The following ZNF219 variants were observed in gnomAD, a reference collection of about 807,000 sequenced individuals.
ZNF219 encodes zinc finger protein 219.
Under a neutral mutation model 54.4 loss-of-function variants are expected in ZNF219, and 17 were observed. That is an observed-to-expected ratio of 0.31 (90% CI 0.21 to 0.47). ZNF219 has a LOEUF of 0.47. ZNF219 is among the 20% of genes least tolerant of loss of function. The pLI, the probability that ZNF219 is intolerant of heterozygous loss-of-function variation, is 1.00. For missense variants in ZNF219, 1,014 were observed against 1,062.3 expected (o/e 0.95, Z 0.63); for synonymous variants, 518 against 476.4 (o/e 1.09, Z -1.14).
In ZNF219 at chr14:21,092,034, G is replaced by C; in HGVS notation, c.1263C>G (p.His421Gln). 6.5e-7 allele frequency: 1 copy of C among 1,548,856 alleles called. No individual in the cohort carries two copies. The highest frequency in any genetic ancestry group is 2.5e-5 in the East Asian group (1 of 40,716). The change falls in exon 3 of 5, where the codon CAC (histidine) becomes CAG (glutamine). Residue 421 changes from histidine (H) to glutamine (Q), a missense_variant. Physicochemically the swap from His to Gln is conservative, Grantham distance 24. Transcript: ENST00000360947. Reference sequence around the variant, plus strand: ...CTTCTTCCTCAGGCTCCTCCGCACGGTGCCGGCGAGCCCGGGCCGGGAGAG... The same window carrying C: ...CTTCTTCCTCAGGCTCCTCCGCACGCTGCCGGCGAGCCCGGGCCGGGAGAG... The part of the protein sequence containing the change: ...SSALPARARR[H>Q]RAEEPEEEEE...
chr14:21,093,469 A>T, intron 2 of ZNF219, 117 bp downstream of exon 2: 1 of 1,446,922 alleles, frequency 6.9e-7, no homozygotes, highest in Non-Finnish European at 9.6e-7. Flanking sequence ...GGGAATCGAG[A>T]TGTCAGGGCC....
upstream of ZNF219, chr14:21,103,383 G>C: frequency 2.8e-6 from 4 of 1,420,532 alleles, no homozygotes; most frequent in South Asian, 3.0e-5. Context: ...CCCTTTTTTC[G>C]TTCCTTCCCT....
At position 21,092,769 on chromosome 14, in the gene ZNF219, C is replaced by A; in HGVS notation, c.528G>T (p.Ala176=). 6.3e-7 allele frequency: 1 copy of A among 1,579,498 alleles called. No individual in the cohort carries two copies. Among genetic ancestry groups the A allele is most frequent in the Non-Finnish European group, 8.6e-7 (1 of 1,162,426 alleles). ...GGATGTGCAGGTGGCGTTCGCGCTC[C>A]GCCGAGGTGCGAAACTTGCCTTTGC... ...PYCKGKFRTS[A]ERERHLHILH... is the part of the protein sequence containing the mutation. The change falls in exon 3 of 5, where the codon GCG becomes GCT. Residue 176 remains alanine (A), a synonymous_variant. Transcript: ENST00000360947.
upstream of ZNF219, among the ~76,000 whole-genome samples, chr14:21,099,434 G>T (rs1453719601): frequency 4.6e-5 from 7 of 152,158 alleles, no homozygotes; most frequent in Non-Finnish European, 1.0e-4. Flanking sequence ...AATTGAGGAG[G>T]AGTAGACACA....
rs1267950318 is a variant in ZNF219, at chr14:21,092,177, C to G, written c.1120G>C (p.Glu374Gln). 1 of 1,443,576 alleles carries G rather than the reference C, an allele frequency of 6.9e-7. No individual in the cohort carries two copies. Among genetic ancestry groups the G allele is most frequent in the African/African-American group, 1.5e-5 (1 of 68,486 alleles). 89.4% of individuals were successfully genotyped at this position (1,443,576 alleles called of 1,614,324 possible). Reference protein sequence around the residue: ...APAPTPAERREPPSLLGYLSL... With the variant: ...APAPTPAERRQPPSLLGYLSL... ...AGGTAGCCCAAGAGGCTCGGGGGCT[C>G]ACGGCGCTCGGCCGGGGTGGGAGCC... The change falls in exon 3 of 5, where the codon GAG (glutamate) becomes CAG (glutamine). Residue 374 changes from glutamate (E) to glutamine (Q), a missense_variant. Physicochemically the swap from Glu to Gln is conservative, Grantham distance 29. Coordinates refer to ENST00000360947, the MANE Select transcript of ZNF219 (RefSeq NM_016423.3).
At chr14:21,102,526 A>G (rs932954064), upstream of ZNF219, 17 of 1,551,626 alleles carry the variant, frequency 1.1e-5, no homozygotes, top group East Asian at 7.3e-5. Flanking sequence ...GTACTGGTCA[A>G]TGAAGGAGAA....
chr14:21,092,005 T>C lies in ZNF219; in HGVS notation c.1292A>G (p.Glu431Gly), dbSNP rs780975907. ...GGTTTCCTCCTCGGCCTCCACCACC[T>C]CCTCTTCTTCCTCAGGCTCCTCCGC... is the stretch of plus-strand genomic sequence containing the variant. Reference protein sequence around the residue: ...HRAEEPEEEEEVVEAEEETWA... With the variant: ...HRAEEPEEEEGVVEAEEETWA... Residue 431 changes from glutamate to glycine, a missense_variant, in exon 3 of 5, where the codon GAG becomes GGG. Around this residue, in one of 5 missense-constraint regions of ZNF219, gnomAD observed 272 missense variants for 248.9 expected, o/e 1.09. Coordinates refer to ENST00000360947, the MANE Select transcript of ZNF219 (RefSeq NM_016423.3). 1.3e-6 allele frequency: 2 copies of C among 1,555,190 alleles called. No homozygotes were observed. The highest frequency in any genetic ancestry group is 2.4e-5 in the South Asian group (2 of 84,484).
intron 1 of ZNF219, chr14:21,104,265 C>G (rs1889827194): frequency 1.3e-5 from 2 of 152,402 alleles, no homozygotes; most frequent in Non-Finnish European, 2.9e-5. Flanking sequence ...GGGAGCGGGA[C>G]TGCGCAGGCT....
chr14:21,098,793 C>G (rs1029204351), upstream of ZNF219: 3 of 1,286,560 alleles, frequency 2.3e-6, no homozygotes, highest in East Asian at 1.7e-4. Flanking sequence ...GCCCCTCCCT[C>G]CCTAAACCCG....
At chr14:21,100,239 G>A (rs10149870), upstream of ZNF219, among the ~76,000 whole-genome samples, 500 of 152,222 alleles carry the variant, frequency 3.3e-3, 2 homozygotes, top group African/African-American at 0.011. Context: ...GGTGGCATGT[G>A]CCTGTGATCC....
At chr14:21,098,752 C>T, upstream of ZNF219, 1 of 1,245,678 alleles carries the variant, frequency 8.0e-7, no homozygotes, top group Non-Finnish European at 1.0e-6. Context: ...GAAAGGTCAT[C>T]TCGTCCTTCC....
chr14:21,090,965 C>T lies in ZNF219; in HGVS notation c.1740G>A (p.Pro580=), dbSNP rs577616670. 2.1e-5 allele frequency: 32 copies of T among 1,551,374 alleles called. No individual in the cohort carries two copies. The highest frequency in any genetic ancestry group is 2.5e-5 in the Non-Finnish European group (29 of 1,154,848). ...CCACCCAGGTCGCAGGCTGCGGAGA[C>T]GGCTTGGCTCCAGATTGCGGGGCCG... ...RGSAPQSGAK[P]SPQPATWVEG... Residue 580 remains proline (P), a synonymous_variant, in exon 5 of 5, where the codon CCG becomes CCA. Transcript: ENST00000360947. The surrounding 1 kb of genome is among the most constrained non-coding windows in gnomAD (Gnocchi z 4.4).
At chr14:21,095,519 C>T (rs1889238194) in intron 1 of ZNF219, among the ~76,000 whole-genome samples, 1 of 152,062 alleles carries the variant, frequency 6.6e-6, no homozygotes, top group Admixed American at 6.5e-5. Context: ...AGTGTTAGTC[C>T]CTTCCTGCTC....
At position 21,090,319 on chromosome 14, in the gene ZNF219, C is replaced by G; in HGVS notation, c.*217G>C. The G allele has an allele frequency of 1.4e-6, 1 of 726,636 alleles. No homozygotes were observed. The highest frequency in any genetic ancestry group is 1.5e-5 in the South Asian group (1 of 66,532). The allele number at this position is 726,636 out of a possible 1,614,324, so 45.0% of individuals were successfully genotyped here. ...AGCCCAGGGACCCCGTTCTTTGACC[C>G]TCACCTCTGCCACTTCTAAGGCACT... On this transcript the variant is annotated 3_prime_UTR_variant, in exon 5 of 5. Transcript: ENST00000360947. The surrounding 1 kb of genome is among the most constrained non-coding windows in gnomAD (Gnocchi z 4.4).
upstream of ZNF219, chr14:21,102,744 A>G (rs753371454): frequency 3.9e-6 from 6 of 1,551,160 alleles, no homozygotes; most frequent in Non-Finnish European, 4.4e-6. Flanking sequence ...AGGATGCTGC[A>G]GGAGCCAGAG....
In ZNF219 at chr14:21,092,980, G is replaced by A. The variant is rs1234961873; in HGVS notation, c.317C>T (p.Thr106Ile). 1.3e-6 allele frequency: 2 copies of A among 1,596,402 alleles called. No individual in the cohort carries two copies. The highest frequency in any genetic ancestry group is 1.7e-6 in the Non-Finnish European group (2 of 1,174,180). The stretch of plus-strand genomic sequence containing the variant: ...ACTACGTGGGCGCTCGGGCTGGTGT[G>A]TGCGCAGGTGCGAGCGCAGCAGAGC... ...QRALLRSHLR[T>I]HQPERPRSPA... The change falls in exon 3 of 5, where the codon ACA becomes ATA. Residue 106 changes from threonine (T) to isoleucine (I), a missense_variant. By Grantham distance (89) the Thr-to-Ile change is moderately conservative (BLOSUM62 -1). Around this residue, in one of 5 missense-constraint regions of ZNF219, gnomAD observed 395 missense variants for 415.1 expected, o/e 0.95. Coordinates refer to ENST00000360947, the MANE Select transcript of ZNF219 (RefSeq NM_016423.3).
upstream of ZNF219, chr14:21,103,530 T>C (rs530261781): frequency 3.4e-5 from 15 of 438,786 alleles, no homozygotes; most frequent in African/African-American, 2.8e-4. Context: ...GCACTTTTCT[T>C]TTCTGTCCAC....
chr14:21,099,090 A>C, upstream of ZNF219: 1 of 262,464 alleles, frequency 3.8e-6, no homozygotes, highest in South Asian at 3.2e-5. Flanking sequence ...CAATACAACA[A>C]ATATTTACTG....
chr14:21,091,819 C>G lies in ZNF219; in HGVS notation c.1432+46G>C, dbSNP rs182015165. ...TACGAGGGAGTGGCGGCGTAAGAGTCAGAGGAGGACGCGGCGTACCCGGAG... is the reference window on the plus strand; with the variant it reads ...TACGAGGGAGTGGCGGCGTAAGAGTGAGAGGAGGACGCGGCGTACCCGGAG... On this transcript the variant is annotated intron_variant, in intron 3 of 4. Coordinates refer to ENST00000360947, the MANE Select transcript of ZNF219 (RefSeq NM_016423.3). 1,758 of 1,487,430 alleles carry G rather than the reference C, an allele frequency of 1.2e-3. 19 individuals are homozygous for G. In the African/African-American group the frequency reaches 0.021, roughly 18 times the overall value. 92.1% of individuals were successfully genotyped at this position (1,487,430 alleles called of 1,614,324 possible).
Sources: gnomAD v4.1 joint callset for allele counts (sites outside exome capture counted in the v4.1 genomes callset) on GRCh38, gnomAD v4.1.1 for gene constraint, gnomAD v4.1.1 regional missense constraint, Gnocchi (gnomAD v3.1) non-coding constraint, MANE v1.5 for transcripts, NCBI Gene and HGNC (gene_info 2026-07-23, HGNC 2026-07-21) for gene names.